The following MAP3K13 variants were observed in gnomAD, a reference collection of about 807,000 sequenced individuals.
MAP3K13 encodes leucine zipper-bearing kinase.
Under a neutral mutation model 104.0 loss-of-function variants are expected in MAP3K13, and 52 were observed. That is an observed-to-expected ratio of 0.50 (90% CI 0.40 to 0.63). The LOEUF (loss-of-function observed/expected upper bound fraction) is 0.63, where lower values mean the gene tolerates loss of function less well. MAP3K13 is among the 20% of genes least tolerant of loss of function. MAP3K13 has a pLI of 0.00. For missense variants in MAP3K13, 914 were observed against 1,218.5 expected, an observed-to-expected ratio of 0.75 and a Z score of 3.72; for synonymous variants, 394 against 442.2, an observed-to-expected ratio of 0.89 and a Z score of 1.37.
chr3:185,370,809 G>A (rs1287704798), intron 1 of MAP3K13, among the ~76,000 whole-genome samples: 8 of 149,744 alleles, frequency 5.3e-5, no homozygotes, highest in Non-Finnish European at 5.9e-5. Flanking sequence ...AATAGGGGAT[G>A]TGGCTACCGA....
intron 2 of MAP3K13, among the ~76,000 whole-genome samples, chr3:185,317,708 C>G (rs909489127): frequency 6.6e-6 from 1 of 152,084 alleles, no homozygotes; most frequent in East Asian, 1.9e-4. Context: ...GACCCTACAT[C>G]GTGATAATGT....
chr3:185,285,750 A>G, intron 2 of MAP3K13: 1 of 936,564 alleles, frequency 1.1e-6, no homozygotes, highest in Non-Finnish European at 1.6e-6. Flanking sequence ...TAATCTCTTT[A>G]TGTTTTAATC....
intron 2 of MAP3K13, among the ~76,000 whole-genome samples, chr3:185,300,097 A>G (rs1479707124): frequency 2.0e-5 from 3 of 152,028 alleles, no homozygotes; most frequent in East Asian, 3.8e-4. Flanking sequence ...GAATCATGCA[A>G]TATTTTTCTT....
At chr3:185,438,495 T>C (rs1715165258) in intron 3 of MAP3K13, among the ~76,000 whole-genome samples, 1 of 152,204 alleles carries the variant, frequency 6.6e-6, no homozygotes, top group Non-Finnish European at 1.5e-5. Context: ...CCAAGCAATG[T>C]CAAACATTCA....
rs1034597137 is a variant in MAP3K13 at position 185,315,856 on chromosome 3, A to G, written c.-86+30213A>G. Among the ~76,000 whole-genome samples the G allele has an allele frequency of 6.6e-6, 1 of 152,208 alleles. No homozygotes were observed. The highest frequency in any genetic ancestry group is 1.5e-5 in the Non-Finnish European group (1 of 68,034). On this transcript the variant is annotated intron_variant, in intron 2 of 14. Transcript: ENST00000424227. The surrounding 1 kb of genome is among the most constrained non-coding windows in gnomAD (Gnocchi z 4.3). The stretch of plus-strand genomic sequence containing the variant: ...TATTATATTAATATTTTTGGTTAAG[A>G]TACATCAAAACTAACCACAGAAAAG...
intron 2 of MAP3K13, among the ~76,000 whole-genome samples, chr3:185,348,849 G>A (rs1027961418): frequency 3.3e-5 from 5 of 152,260 alleles, no homozygotes; most frequent in African/African-American, 7.2e-5. Flanking sequence ...CCCAGGAGGC[G>A]GAGGTTGCAG....
intron 1 of MAP3K13, among the ~76,000 whole-genome samples, chr3:185,395,044 T>C (rs530317833): frequency 6.6e-6 from 1 of 152,336 alleles, no homozygotes; most frequent in African/African-American, 2.4e-5. Context: ...AATATGTCTT[T>C]TTTTGAACGT....
At chr3:185,298,678 C>T (rs79231046) in intron 2 of MAP3K13, among the ~76,000 whole-genome samples, 1,961 of 152,160 alleles carry the variant, frequency 0.013, 54 homozygotes, top group African/African-American at 0.044. Context: ...CAAAGGTCAC[C>T]GTATCTTCCA....
In MAP3K13 at chr3:185,454,457, A is replaced by C. The variant is rs1716168251; in HGVS notation, c.1278+3062A>C. Among the ~76,000 whole-genome samples, 2 of 100,672 alleles carry C rather than the reference A, an allele frequency of 2.0e-5. 1 individual carries two copies. The highest frequency in any genetic ancestry group is 7.9e-5 in the African/African-American group (2 of 25,386). 66.0% of individuals were successfully genotyped at this position (100,672 alleles called of 152,430 possible). A position where few individuals can be genotyped will look rare whatever the true frequency, so the allele number is the denominator to read the frequency against. On this transcript the variant is annotated intron_variant, in intron 7 of 13. Transcript: ENST00000265026. Reference sequence around the variant, plus strand: ...TATATATGAGATATATATATGAGATATATATGATATATATATGAGATATAT... The same window carrying C: ...TATATATGAGATATATATATGAGATCTATATGATATATATATGAGATATAT...
chr3:185,412,328 G>T (rs943643370), intron 1 of MAP3K13, among the ~76,000 whole-genome samples: 2 of 151,732 alleles, frequency 1.3e-5, no homozygotes, highest in Non-Finnish European at 2.9e-5. Context: ...TTAGCACTTA[G>T]AATCAATAAT....
chr3:185,455,150 AGATATATATGATATATAT>A (rs1206765846), intron 7 of MAP3K13, among the ~76,000 whole-genome samples: 5 of 52,788 alleles, frequency 9.5e-5, no homozygotes, highest in Non-Finnish European at 2.1e-4. Flanking sequence ...TATATATGTG[AGATATATATGATATATAT>A]GAGATATATA....
At chr3:185,310,987 T>G (rs955987185) in intron 2 of MAP3K13, among the ~76,000 whole-genome samples, 12 of 152,248 alleles carry the variant, frequency 7.9e-5, no homozygotes, top group African/African-American at 2.7e-4. Context: ...AAGACAACTT[T>G]GCAGAAGTTG....
Position 185,376,563 on chromosome 3 carries a change from G to A in MAP3K13, c.-86+13195G>A, listed in dbSNP as rs137857096. Among the ~76,000 whole-genome samples the A allele has an allele frequency of 7.8e-3, 1,194 of 152,240 alleles. 13 individuals are homozygous for A. Among genetic ancestry groups the A allele is most frequent in the African/African-American group, 0.026 (1,065 of 41,544 alleles). On this transcript the variant is annotated intron_variant, in intron 1 of 13. Transcript: ENST00000265026. Reference sequence around the variant, plus strand: ...AAAAGGGAGTGATGAGTTAGGGAGAGCCAGTGTGGGAGCAGCTTTTAGGGC... The same window carrying A: ...AAAAGGGAGTGATGAGTTAGGGAGAACCAGTGTGGGAGCAGCTTTTAGGGC...
intron 5 of MAP3K13, chr3:185,448,165 C>G (rs1715695159): frequency 2.9e-6 from 2 of 681,882 alleles, no homozygotes; most frequent in African/African-American, 1.8e-5. Flanking sequence ...CAGTAAGTCA[C>G]CAGTTTGGGG....
chr3:185,321,207 T>C (rs1721854946), intron 2 of MAP3K13, among the ~76,000 whole-genome samples: 1 of 151,722 alleles, frequency 6.6e-6, no homozygotes, highest in African/African-American at 2.4e-5. Context: ...TATATATGCA[T>C]GCACACACAT....
intron 7 of MAP3K13, among the ~76,000 whole-genome samples, chr3:185,460,792 C>T (rs1717053272): frequency 6.6e-6 from 1 of 152,178 alleles, no homozygotes; most frequent in South Asian, 2.1e-4. Context: ...TACTTTCTTA[C>T]AGATTTCAAT....
intron 1 of MAP3K13, among the ~76,000 whole-genome samples, chr3:185,402,444 G>C (rs1372673080): frequency 1.3e-5 from 2 of 152,030 alleles, no homozygotes; most frequent in African/African-American, 4.8e-5. Flanking sequence ...TCTTTGTCTG[G>C]AGTCTGTGTC....
rs146732162 is a variant in MAP3K13, at chr3:185,379,622, A to C, written c.-86+16254A>C. 5.3e-4 allele frequency among the ~76,000 whole-genome samples: 80 copies of C among 152,330 alleles called. 1 individual carries two copies. The East Asian group carries it at 0.013, about 24-fold the overall frequency. ...CCAAGTGTCTCACGTGTCTGTGTGA[A>C]GAGACCACTAAACAGGCTTTGTGTG... On this transcript the variant is annotated intron_variant, in intron 1 of 13. Coordinates refer to ENST00000265026, the MANE Select transcript of MAP3K13 (RefSeq NM_004721.5).
chr3:185,314,388 G>T (rs1560044013), intron 2 of MAP3K13, among the ~76,000 whole-genome samples: 1 of 152,150 alleles, frequency 6.6e-6, no homozygotes, highest in Non-Finnish European at 1.5e-5. Flanking sequence ...GGCCGAGGTG[G>T]GTGGATCACT....
Sources: allele counts gnomAD v4.1 joint callset (sites outside exome capture counted in the v4.1 genomes callset), GRCh38; gene constraint gnomAD v4.1.1; non-coding constraint Gnocchi (gnomAD v3.1); transcripts MANE v1.5; gene names NCBI Gene and HGNC (gene_info 2026-07-23, HGNC 2026-07-21).